Variants in ZNF160 observed in about 807,000 individuals in gnomAD.
ZNF160 encodes KRAB zinc finger protein KR18.
Under a neutral mutation model 13.1 loss-of-function variants are expected in ZNF160, and 9 were observed. The observed-to-expected ratio is 0.69, with a 90% CI of 0.41 to 1.20. ZNF160 has a LOEUF of 1.20. Among genes scored for constraint, ZNF160 ranks in the 50% most tolerant of loss-of-function variants. The probability of loss-of-function intolerance (pLI) is 0.01; values close to 1 mark genes in which losing one functional copy is unlikely to be tolerated. For missense variants in ZNF160, 838 were observed against 988.0 expected, an observed-to-expected ratio of 0.85 and a Z score of 2.04; for synonymous variants, 293 against 333.2, an observed-to-expected ratio of 0.88 and a Z score of 1.31.
chr19:53,069,871 T>C lies in ZNF160; in HGVS notation c.663A>G (p.Gln221=). Reference sequence around the variant, plus strand: ...GGGTTTGGACACTAGAAGGAATTTGTTGAAGTGGTGACACTGAGGAACCAT... The same window carrying C: ...GGGTTTGGACACTAGAAGGAATTTGCTGAAGTGGTGACACTGAGGAACCAT... ...TNNGSSVSPL[Q]QIPSSVQTHR... is the part of the protein sequence containing the mutation. The change falls in exon 6 of 6, where the codon CAA becomes CAG. Residue 221 remains glutamine (Q), a synonymous_variant. Coordinates refer to ENST00000683776, the MANE Select transcript of ZNF160 (RefSeq NM_001322131.2). The surrounding 1 kb of genome is among the most constrained non-coding windows in gnomAD (Gnocchi z 4.4). 2 of 1,614,152 alleles carry C rather than the reference T, an allele frequency of 1.2e-6. No homozygotes were observed. The highest frequency in any genetic ancestry group is 1.7e-6 in the Non-Finnish European group (2 of 1,180,034).
At position 53,068,133 on chromosome 19, in the gene ZNF160, T is replaced by C; in HGVS notation, c.2401A>G (p.Ser801Gly). 6.2e-7 allele frequency: 1 copy of C among 1,613,814 alleles called. No homozygotes were observed. The highest frequency in any genetic ancestry group is 8.5e-7 in the Non-Finnish European group (1 of 1,179,822). The change falls in exon 6 of 6, where the codon AGT becomes GGT. Residue 801 changes from serine (S) to glycine (G), a missense_variant. By Grantham distance (56) the Ser-to-Gly change is moderately conservative. Around this residue, in one of 3 missense-constraint regions of ZNF160, gnomAD observed 51 missense variants for 46.9 expected, o/e 1.09. Transcript: ENST00000683776. ...CTGTGATGACTTGCAAGATTTGAAC[T>C]CTGCCTGAAGACCTTGCCACACTCA... Reference protein sequence around the residue: ...CNECGKVFRQSSNLASHHRMH... With the variant: ...CNECGKVFRQGSNLASHHRMH...
In ZNF160 at chr19:53,069,006, T is replaced by C; in HGVS notation, c.1528A>G (p.Lys510Glu). 1 of 1,614,190 alleles carries C rather than the reference T, an allele frequency of 6.2e-7. No homozygotes were observed. Among genetic ancestry groups the C allele is most frequent in the Non-Finnish European group, 8.5e-7 (1 of 1,180,044 alleles). Residue 510 changes from lysine to glutamate, a missense_variant, in exon 6 of 6, where the codon AAG becomes GAG. Lys to Glu is a moderately conservative substitution (Grantham distance 56). Transcript: ENST00000683776. The surrounding 1 kb of genome is among the most constrained non-coding windows in gnomAD (Gnocchi z 4.4). ...RRIHTGEKPY[K>E]CNECGKAFSV... ...AAGGCTTTCCCACACTCATTACACT[T>C]GTAAGGTTTCTCTCCAGTATGAATT...
chr19:53,075,498 G>T (rs1274234949), intron 3 of ZNF160: 2 of 361,006 alleles, frequency 5.5e-6, no homozygotes, highest in Non-Finnish European at 1.1e-5. Flanking sequence ...TGGAAAGGCT[G>T]AGGCTCGGTT....
intron 4 of ZNF160, among the ~76,000 whole-genome samples, chr19:53,074,713 A>G (rs1193332312): frequency 2.0e-5 from 3 of 151,768 alleles, no homozygotes; most frequent in Admixed American, 2.0e-4. Context: ...CTCCTTCTGA[A>G]TACCCAGGAA....
At chr19:53,075,335 C>T (rs1356467725) in intron 3 of ZNF160, 152 bp from the exon 4 acceptor site, 6 of 892,994 alleles carry the variant, frequency 6.7e-6, no homozygotes, top group Non-Finnish European at 1.0e-5. Context: ...CAGATTTGGT[C>T]TTCATCCCCC....
chr19:53,083,149 T>C (rs1020737204), intron 3 of ZNF160, among the ~76,000 whole-genome samples: 2 of 152,210 alleles, frequency 1.3e-5, no homozygotes, highest in African/African-American at 4.8e-5. Context: ...CATGTGCTTT[T>C]GTGTTTTCAT....
At chr19:53,094,527 T>C (rs2085148969) in intron 1 of ZNF160, among the ~76,000 whole-genome samples, 1 of 152,152 alleles carries the variant, frequency 6.6e-6, no homozygotes, top group Non-Finnish European at 1.5e-5. Context: ...TGAGCTAAGA[T>C]GAGTTGTGAT....
At chr19:53,086,135 G>A in intron 3 of ZNF160, 127 bp downstream of exon 3, 1 of 1,336,968 alleles carries the variant, frequency 7.5e-7, no homozygotes. Context: ...GGGACTGAGG[G>A]AAGGCGCGGG....
Position 53,068,585 on chromosome 19 carries a change from T to C in ZNF160, c.1949A>G (p.Lys650Arg), listed in dbSNP as rs766637955. Reference sequence around the variant, plus strand: ...AAAGGCTTTCCCACACTCATTACACTTGTAAGGTTTCTCTCCAGTATGAAT... The same window carrying C: ...AAAGGCTTTCCCACACTCATTACACCTGTAAGGTTTCTCTCCAGTATGAAT... ...RRIHTGEKPY[K>R]CNECGKAFSM... is the part of the protein sequence containing the mutation. Residue 650 changes from lysine to arginine, a missense_variant, in exon 6 of 6, where the codon AAG becomes AGG. Transcript: ENST00000683776. 1.2e-6 allele frequency: 2 copies of C among 1,614,126 alleles called. No individual in the cohort carries two copies. Among genetic ancestry groups the C allele is most frequent in the East Asian group, 4.5e-5 (2 of 44,866 alleles).
intron 3 of ZNF160, among the ~76,000 whole-genome samples, chr19:53,083,474 C>G (rs1392338559): frequency 6.6e-6 from 1 of 152,186 alleles, no homozygotes; most frequent in Non-Finnish European, 1.5e-5. Flanking sequence ...ATAAAGCATA[C>G]CATTTCATTT....
chr19:53,075,979 C>CATTTCTCAT (rs1311035984), intron 3 of ZNF160: 44 of 277,398 alleles, frequency 1.6e-4, no homozygotes, highest in Non-Finnish European at 2.6e-4. Flanking sequence ...TGAGAACACC[C>CATTTCTCAT]ATTTGGTGTC....
At chr19:53,093,502 T>G (rs1055398381) in intron 1 of ZNF160, 2 of 151,938 alleles carry the variant, frequency 1.3e-5, no homozygotes, top group African/African-American at 4.8e-5. Flanking sequence ...TCTGCTAGGA[T>G]TACAGGGTCA....
In ZNF160 at chr19:53,068,613, G is replaced by A. The variant is rs752767769; in HGVS notation, c.1921C>T (p.Arg641Ter). 1.3e-6 allele frequency: 2 copies of A among 1,584,346 alleles called. No homozygotes were observed. Among genetic ancestry groups the A allele is most frequent in the South Asian group, 1.1e-5 (1 of 87,632 alleles). Residue 641 changes from arginine (R) to a stop codon, truncating the protein, a stop_gained, in exon 6 of 6, where the codon CGA becomes TGA. Transcript: ENST00000683776. LOFTEE classifies it low-confidence loss of function (END_TRUNC). ...RHNSYLATHR[R>*]IHTGEKPYKC... ...TAAGGTTTCTCTCCAGTATGAATTC[G>A]CCGATGAGTTGCAAGGTATGAATTG...
At position 53,075,069 on chromosome 19, in the gene ZNF160, G is replaced by T; in HGVS notation, c.130C>A (p.Leu44Ile). The T allele has an allele frequency of 6.2e-7, 1 of 1,614,088 alleles. No individual in the cohort carries two copies. The highest frequency in any genetic ancestry group is 1.7e-5 in the Admixed American group (1 of 60,006). The change falls in exon 4 of 6, where the codon CTT becomes ATT. Residue 44 changes from leucine to isoleucine, a missense_variant. This residue lies in a region of ZNF160 where 387 missense variants were observed against 402.3 expected (regional missense o/e 0.96). Coordinates refer to ENST00000683776, the MANE Select transcript of ZNF160 (RefSeq NM_001322131.2). ...RDVMLENYWNLVSLGLCHFDM... is the reference protein window; with the variant it reads ...RDVMLENYWNIVSLGLCHFDM... ...AAGTCATCCTCACCCAGAGAAACAA[G>T]GTTCCAGTAGTTCTCCAACATCACG...
At chr19:53,085,287 A>C (rs2084789171) in intron 3 of ZNF160, 1 of 834,450 alleles carries the variant, frequency 1.2e-6, no homozygotes, top group Non-Finnish European at 1.4e-6. Flanking sequence ...TTCACTGAGG[A>C]ATTTGTTTAA....
Position 53,072,380 on chromosome 19 carries a change from G to A in ZNF160, c.271+1760C>T, listed in dbSNP as rs183610225. On this transcript the variant is annotated intron_variant, in intron 5 of 5. Transcript: ENST00000683776. ...CTCCCCAAGTGCTGGGATTATAGGC[G>A]TGAGCCTCTATACCTGGCCTGACAG... 3.4e-3 allele frequency among the ~76,000 whole-genome samples: 517 copies of A among 152,290 alleles called. 4 individuals carry two copies. Among genetic ancestry groups the A allele is most frequent in the African/African-American group, 0.012 (493 of 41,562 alleles).
chr19:53,093,730 T>G (rs527269886), intron 1 of ZNF160: 1 of 151,810 alleles, frequency 6.6e-6, no homozygotes, highest in South Asian at 2.1e-4. Flanking sequence ...GAGATTGCAG[T>G]GAGCTATGAT....
At chr19:53,087,041 A>G (rs999622988) in intron 2 of ZNF160, among the ~76,000 whole-genome samples, 2 of 152,238 alleles carry the variant, frequency 1.3e-5, no homozygotes, top group Non-Finnish European at 2.9e-5. Context: ...AGGCTGTGGG[A>G]GATCACAAAC....
At position 53,067,947 on chromosome 19, in the gene ZNF160, G is replaced by A. The variant is rs1163830471; in HGVS notation, c.*130C>T. The A allele has an allele frequency of 5.4e-6, 7 of 1,284,730 alleles. No individual in the cohort carries two copies. The highest frequency in any genetic ancestry group is 6.4e-6 in the Non-Finnish European group (6 of 936,762). 79.6% of individuals were successfully genotyped at this position (1,284,730 alleles called of 1,614,324 possible). A position where few individuals can be genotyped will look rare whatever the true frequency, so the allele number is the denominator to read the frequency against. On this transcript the variant is annotated 3_prime_UTR_variant, in exon 6 of 6. Coordinates refer to ENST00000683776, the MANE Select transcript of ZNF160 (RefSeq NM_001322131.2). ...TGTTTACATGATGTCTCTTGCTTATGGCCTCTCATATCTATTAATGCTTCA... is the reference window on the plus strand; with the variant it reads ...TGTTTACATGATGTCTCTTGCTTATAGCCTCTCATATCTATTAATGCTTCA...
Sources: gnomAD v4.1 joint callset for allele counts (sites outside exome capture counted in the v4.1 genomes callset) on GRCh38, gnomAD v4.1.1 for gene constraint, gnomAD v4.1.1 regional missense constraint, Gnocchi (gnomAD v3.1) non-coding constraint, MANE v1.5 for transcripts, NCBI Gene and HGNC (gene_info 2026-07-23, HGNC 2026-07-21) for gene names.